Variants in CREB5 observed in about 807,000 individuals in gnomAD.
CREB5 encodes the protein cyclic AMP-responsive element-binding protein 5.
In CREB5, 19 loss-of-function variants were observed where a neutral mutation model predicts 57.1. The observed-to-expected ratio is 0.33, with a 90% CI of 0.23 to 0.49. The LOEUF is 0.49. CREB5 is among the 20% of genes least tolerant of loss of function. CREB5 has a pLI of 0.99. For missense variants in CREB5, 579 were observed against 671.6 expected, an observed-to-expected ratio of 0.86 and a Z score of 1.52; for synonymous variants, 238 against 238.3, an observed-to-expected ratio of 1.00 and a Z score of 0.01.
chr7:28,752,528 T>C (rs191570088), intron 7 of CREB5, among the ~76,000 whole-genome samples: 1 of 152,340 alleles, frequency 6.6e-6, no homozygotes, highest in Non-Finnish European at 1.5e-5. Flanking sequence ...CACCCTACTT[T>C]AAGGAAAATC....
intron 1 of CREB5, among the ~76,000 whole-genome samples, chr7:28,374,232 T>A (rs1786777113): frequency 6.6e-6 from 1 of 152,198 alleles, no homozygotes; most frequent in African/African-American, 2.4e-5. Context: ...GTGCTAGAGA[T>A]GACGCACAGA....
chr7:28,415,215 G>T (rs1054853289), intron 1 of CREB5, among the ~76,000 whole-genome samples: 1 of 152,134 alleles, frequency 6.6e-6, no homozygotes, highest in Non-Finnish European at 1.5e-5. Flanking sequence ...TTCTGATGGT[G>T]AGTTACAAAG....
In CREB5 at chr7:28,819,608, T is replaced by C. The variant is rs1019820595; in HGVS notation, c.*329T>C. 13 of 188,606 alleles carry C rather than the reference T, an allele frequency of 6.9e-5. 1 individual carries two copies. Among genetic ancestry groups the C allele is most frequent in the Admixed American group, 1.6e-4 (3 of 18,204 alleles). 11.7% of individuals were successfully genotyped at this position (188,606 alleles called of 1,614,324 possible). On this transcript the variant is annotated 3_prime_UTR_variant, in exon 11 of 11. Coordinates refer to ENST00000357727, the MANE Select transcript of CREB5 (RefSeq NM_182898.4). ...TCAGTCCAACCCTTTGCCTGAAACA[T>C]TGAATCTTGTTAAACCACAGCTTTT...
chr7:28,672,983 C>G (rs954758595), intron 5 of CREB5, among the ~76,000 whole-genome samples: 1 of 152,042 alleles, frequency 6.6e-6, no homozygotes, highest in African/African-American at 2.4e-5. Flanking sequence ...GTCCCCTGGA[C>G]CCCAGAAACC....
chr7:28,709,201 A>G (rs896035016), intron 5 of CREB5, among the ~76,000 whole-genome samples: 9 of 152,150 alleles, frequency 5.9e-5, no homozygotes, highest in African/African-American at 2.2e-4. Flanking sequence ...TTGAAAAGCC[A>G]TCTCTTCATG....
At chr7:28,646,893 A>G (rs895773165) in intron 5 of CREB5, among the ~76,000 whole-genome samples, 5 of 152,090 alleles carry the variant, frequency 3.3e-5, no homozygotes, top group East Asian at 1.9e-4. Flanking sequence ...AGGAGCAACA[A>G]TAACAACACT....
At chr7:28,538,700 G>C (rs1400101688) in intron 4 of CREB5, among the ~76,000 whole-genome samples, 7 of 151,868 alleles carry the variant, frequency 4.6e-5, no homozygotes, top group Non-Finnish European at 2.9e-5. Context: ...TTGATTTTCA[G>C]CCACTTTTCC....
intron 1 of CREB5, among the ~76,000 whole-genome samples, chr7:28,441,054 G>A (rs1789166107): frequency 6.6e-6 from 1 of 152,042 alleles, no homozygotes; most frequent in South Asian, 2.1e-4. Context: ...AATTCATATG[G>A]TTTTGATTCA....
At chr7:28,565,466 G>GT (rs1366828860) in intron 4 of CREB5, among the ~76,000 whole-genome samples, 1 of 152,204 alleles carries the variant, frequency 6.6e-6, no homozygotes, top group Non-Finnish European at 1.5e-5. Context: ...ATGGTGAGAA[G>GT]TTTTACTCTT....
intron 1 of CREB5, among the ~76,000 whole-genome samples, chr7:28,348,418 A>T (rs200030510): frequency 0.18 from 27,178 of 147,128 alleles, 3,003 homozygotes; most frequent in Non-Finnish European, 0.24. Flanking sequence ...TCACACACAC[A>T]CACACACACA....
chr7:28,442,726 T>G (rs980818370), intron 1 of CREB5, among the ~76,000 whole-genome samples: 1 of 152,210 alleles, frequency 6.6e-6, no homozygotes, highest in African/African-American at 2.4e-5. Context: ...CTAAGTTGTA[T>G]AGTAAATGGT....
chr7:28,672,301 C>T (rs1800092713), intron 5 of CREB5, among the ~76,000 whole-genome samples: 1 of 151,950 alleles, frequency 6.6e-6, no homozygotes, highest in Non-Finnish European at 1.5e-5. Flanking sequence ...CTAATCTCAG[C>T]TTTCTCCTTG....
intron 7 of CREB5, among the ~76,000 whole-genome samples, chr7:28,784,178 A>G (rs1381166144): frequency 1.3e-5 from 2 of 152,216 alleles, no homozygotes; most frequent in Non-Finnish European, 2.9e-5. Context: ...GGGTAAACAC[A>G]GCTCGTGGGA....
At chr7:28,503,997 T>C (rs527377230) in intron 3 of CREB5, among the ~76,000 whole-genome samples, 4 of 152,354 alleles carry the variant, frequency 2.6e-5, no homozygotes, top group South Asian at 2.1e-4. Context: ...ACATTTGGAA[T>C]AGATAAGGCA....
At chr7:28,681,645 A>G (rs555806789) in intron 5 of CREB5, among the ~76,000 whole-genome samples, 1 of 152,328 alleles carries the variant, frequency 6.6e-6, no homozygotes, top group South Asian at 2.1e-4. Flanking sequence ...GAAGAAGACA[A>G]GCATGAAGAG....
intron 1 of CREB5, among the ~76,000 whole-genome samples, chr7:28,440,552 A>G (rs1432611697): frequency 6.6e-6 from 1 of 152,166 alleles, no homozygotes; most frequent in Admixed American, 6.5e-5. Flanking sequence ...TAACTAATTT[A>G]ACAAGCCTGA....
intron 5 of CREB5, among the ~76,000 whole-genome samples, chr7:28,614,132 T>C (rs1394363078): frequency 6.6e-6 from 1 of 152,064 alleles, no homozygotes; most frequent in Non-Finnish European, 1.5e-5. Flanking sequence ...GCTAATTTTT[T>C]GTATGTTTAT....
intron 3 of CREB5, among the ~76,000 whole-genome samples, chr7:28,498,866 G>A (rs367824314): frequency 2.0e-5 from 3 of 152,176 alleles, no homozygotes; most frequent in African/African-American, 7.2e-5. Flanking sequence ...CTCTTCAGCT[G>A]TTCTCATTGT....
At chr7:28,594,811 A>G (rs185235741) in intron 5 of CREB5, among the ~76,000 whole-genome samples, 65 of 152,254 alleles carry the variant, frequency 4.3e-4, no homozygotes, top group South Asian at 3.3e-3. Flanking sequence ...CATACATGTG[A>G]GGCCCAGCTA....
Sources: allele counts gnomAD v4.1 joint callset (sites outside exome capture counted in the v4.1 genomes callset), GRCh38; gene constraint gnomAD v4.1.1; transcripts MANE v1.5; gene names NCBI Gene and HGNC (gene_info 2026-07-23, HGNC 2026-07-21).